LRMDA: variants seen among roughly 807,000 people sequenced by gnomAD.
LRMDA encodes the protein leucine rich melanocyte differentiation associated.
In LRMDA, 18 loss-of-function variants were observed where a neutral mutation model predicts 29.8. That is an observed-to-expected ratio of 0.60 (90% confidence interval 0.42 to 0.90). The LOEUF (loss-of-function observed/expected upper bound fraction) is 0.90. Among genes scored for constraint, LRMDA ranks in the 40% least tolerant of loss-of-function variants. The probability of loss-of-function intolerance (pLI) is 0.00; values close to 1 mark genes in which losing one functional copy is unlikely to be tolerated. For missense variants in LRMDA, 273 were observed against 273.9 expected (o/e 1.00, Z 0.02); for synonymous variants, 125 against 109.4 (o/e 1.14, Z -0.89).
chr10:76,077,690 A>G (rs779708373), intron 5 of LRMDA, among the ~76,000 whole-genome samples: 2 of 152,126 alleles, frequency 1.3e-5, no homozygotes, highest in African/African-American at 2.4e-5. Context: ...ATTTGAAGTG[A>G]TGAGGGCAGA....
rs1589163902 is a variant in LRMDA at position 75,507,397 on chromosome 10, C to G, written c.131+68903C>G. 2.0e-5 allele frequency among the ~76,000 whole-genome samples: 3 copies of G among 152,274 alleles called. No individual in the cohort carries two copies. The East Asian group carries it at 5.8e-4, about 29-fold the overall frequency. On this transcript the variant is annotated intron_variant, in intron 2 of 6. Transcript: ENST00000611255. ...TCATTTTCCAGATTCTTTTCTTAAT[C>G]ATGAATTAGCTGAGTTTTCAAGGTA...
chr10:75,539,124 C>T (rs1389502206), intron 2 of LRMDA, among the ~76,000 whole-genome samples: 4 of 152,176 alleles, frequency 2.6e-5, no homozygotes. Flanking sequence ...CAATGTAAGG[C>T]ATTTTCCCTT....
chr10:76,227,475 C>T (rs1253512668), intron 5 of LRMDA, among the ~76,000 whole-genome samples: 1 of 152,178 alleles, frequency 6.6e-6, no homozygotes, highest in Admixed American at 6.5e-5. Context: ...ATTTTTCCAT[C>T]AGTGGAAATC....
chr10:76,397,202 C>T (rs1453788758), intron 6 of LRMDA, among the ~76,000 whole-genome samples: 3 of 152,158 alleles, frequency 2.0e-5, no homozygotes, highest in African/African-American at 7.2e-5. Flanking sequence ...TCGGTCAAGC[C>T]ATTGCTACCA....
intron 6 of LRMDA, among the ~76,000 whole-genome samples, chr10:76,440,444 C>G (rs1251792115): frequency 6.6e-6 from 1 of 152,114 alleles, no homozygotes; most frequent in African/African-American, 2.4e-5. Context: ...CCATCTAGAC[C>G]TGAAATAAGG....
At chr10:75,860,796 T>C (rs1421551224) in intron 2 of LRMDA, among the ~76,000 whole-genome samples, 1 of 152,236 alleles carries the variant, frequency 6.6e-6, no homozygotes, top group African/African-American at 2.4e-5. Context: ...CCCTAAGTTC[T>C]GTGGCCACAG....
At chr10:76,346,837 C>T (rs942611769) in intron 6 of LRMDA, among the ~76,000 whole-genome samples, 3 of 152,196 alleles carry the variant, frequency 2.0e-5, no homozygotes, top group African/African-American at 7.2e-5. Flanking sequence ...GTTTCTCTAA[C>T]ACCTGAAGCC....
intron 6 of LRMDA, among the ~76,000 whole-genome samples, chr10:76,390,369 G>A (rs571586019): frequency 2.0e-5 from 3 of 152,138 alleles, no homozygotes; most frequent in Non-Finnish European, 4.4e-5. Flanking sequence ...CAGAATGGAG[G>A]CAGGGAGATC....
rs1391943223 is a variant in LRMDA at position 75,438,471 on chromosome 10, T to G, written c.108T>G (p.Leu36=). 7.1e-6 allele frequency: 11 copies of G among 1,550,664 alleles called. No individual in the cohort carries two copies. The highest frequency in any genetic ancestry group is 9.6e-6 in the Non-Finnish European group (11 of 1,147,040). Residue 36 remains leucine, a synonymous_variant, in exon 2 of 7, where the codon CTT becomes CTG. Coordinates refer to ENST00000611255, the MANE Select transcript of LRMDA (RefSeq NM_001305581.2). ...ACTGTGGACATTTCGCAAAGAGGCT[T>G]GATCTGAGCTTTAACCTTCTGAGGT... is the stretch of plus-strand genomic sequence containing the variant. ...GRDCGHFAKR[L]DLSFNLLRSL...
At position 75,691,159 on chromosome 10, in the gene LRMDA, G is replaced by GATCT. The variant is rs1256321968; in HGVS notation, c.131+252667_131+252668insCTAT. On this transcript the variant is annotated intron_variant, in intron 2 of 6. Transcript: ENST00000611255. ...ATAGATCTATATATCTATATACATA[G>GATCT]ATATATAGATCTATATATCTATGTA... 3.2e-5 allele frequency among the ~76,000 whole-genome samples: 3 copies of GATCT among 92,586 alleles called. 1 individual carries two copies. Among genetic ancestry groups the GATCT allele is most frequent in the African/African-American group, 1.3e-4 (3 of 23,270 alleles). The allele number at this position is 92,586 out of a possible 152,430, so 60.7% of individuals were successfully genotyped here. A position where few individuals can be genotyped will look rare whatever the true frequency, so the allele number is the denominator to read the frequency against.
At chr10:75,974,834 A>G (rs1847042658) in intron 2 of LRMDA, among the ~76,000 whole-genome samples, 1 of 152,220 alleles carries the variant, frequency 6.6e-6, no homozygotes. Context: ...TACTAAATAT[A>G]TACCATAGAT....
chr10:76,434,578 A>C (rs1272171727), intron 6 of LRMDA, among the ~76,000 whole-genome samples: 1 of 152,188 alleles, frequency 6.6e-6, no homozygotes, highest in Non-Finnish European at 1.5e-5. Flanking sequence ...TCCATCCATG[A>C]GTACCTTAGG....
At chr10:76,216,489 C>G (rs1851730514) in intron 5 of LRMDA, among the ~76,000 whole-genome samples, 1 of 152,074 alleles carries the variant, frequency 6.6e-6, no homozygotes, top group African/African-American at 2.4e-5. Flanking sequence ...CTACAGATAA[C>G]TCAATAGAGA....
intron 6 of LRMDA, among the ~76,000 whole-genome samples, chr10:76,393,291 G>A (rs1332446203): frequency 6.6e-6 from 1 of 152,094 alleles, no homozygotes; most frequent in Non-Finnish European, 1.5e-5. Flanking sequence ...CACTGGTAAT[G>A]TACATGGGTT....
At chr10:76,073,912 C>T (rs1297960632) in intron 5 of LRMDA, among the ~76,000 whole-genome samples, 3 of 152,226 alleles carry the variant, frequency 2.0e-5, no homozygotes, top group Non-Finnish European at 4.4e-5. Flanking sequence ...TTCCCTAGAG[C>T]ATCCTGAAAA....
intron 2 of LRMDA, among the ~76,000 whole-genome samples, chr10:75,732,594 C>G (rs978777646): frequency 1.3e-5 from 2 of 152,212 alleles, no homozygotes; most frequent in African/African-American, 2.4e-5. Flanking sequence ...CATCCCCCTT[C>G]TCTGTGCAGC....
At chr10:76,470,553 G>A (rs1268263850) in intron 6 of LRMDA, 1 of 152,002 alleles carries the variant, frequency 6.6e-6, no homozygotes, top group Non-Finnish European at 1.5e-5. Context: ...CAATGTAATA[G>A]TATTCAGCCA....
At chr10:75,574,841 A>G (rs1023233116) in intron 2 of LRMDA, among the ~76,000 whole-genome samples, 1 of 152,090 alleles carries the variant, frequency 6.6e-6, no homozygotes, top group Admixed American at 6.6e-5. Flanking sequence ...CATATTTAAA[A>G]CTGCTGTATT....
At chr10:76,503,756 T>G (rs1245025285) in intron 6 of LRMDA, among the ~76,000 whole-genome samples, 4 of 151,834 alleles carry the variant, frequency 2.6e-5, no homozygotes, top group Admixed American at 6.6e-5. Context: ...CTATGAATTT[T>G]GTTTATTCTT....
Sources: allele counts gnomAD v4.1 joint callset (sites outside exome capture counted in the v4.1 genomes callset), GRCh38; gene constraint gnomAD v4.1.1; transcripts MANE v1.5; gene names NCBI Gene and HGNC (gene_info 2026-07-23, HGNC 2026-07-21).